The following ZFHX3 variants were observed in gnomAD, a reference collection of about 807,000 sequenced individuals.
The protein encoded by ZFHX3 is zinc finger homeobox protein 3.
ZFHX3 carries 42 observed loss-of-function variants against 279.1 expected under a neutral mutation model. That is an observed-to-expected ratio of 0.15 (90% CI 0.12 to 0.19). ZFHX3 has a LOEUF of 0.19. ZFHX3 is among the 10% of genes least tolerant of loss of function. The pLI, the probability that ZFHX3 is intolerant of heterozygous loss-of-function variation, is 1.00. For synonymous variants in ZFHX3, 2,293 were observed against 1,957.8 expected, an observed-to-expected ratio of 1.17 and a Z score of -4.52; for missense variants, 4,981 against 4,754.0, an observed-to-expected ratio of 1.05 and a Z score of -1.40.
At chr16:73,379,569 G>A (rs898876128) in intron 3 of ZFHX3, among the ~76,000 whole-genome samples, 7 of 152,178 alleles carry the variant, frequency 4.6e-5, no homozygotes, top group Non-Finnish European at 8.8e-5. Context: ...AAGACAATGT[G>A]TATAGAGTAT....
chr16:73,294,342 A>G (rs2014850472), intron 4 of ZFHX3: 1 of 152,254 alleles, frequency 6.6e-6, no homozygotes, highest in South Asian at 2.1e-4. Flanking sequence ...CTAAGCCTCA[A>G]AGCCTCTCCC....
At position 73,309,551 on chromosome 16, in the gene ZFHX3, A is replaced by G. The variant is rs115071080; in HGVS notation, c.-1194+8689T>C. The stretch of plus-strand genomic sequence containing the variant: ...AGGGGGTTGTGGGAAATGAAATTTG[A>G]TGATGTGGGAAGCGACAGATGAGAG... On this transcript the variant is annotated intron_variant, in intron 4 of 17. Transcript: ENST00000641206. Among the ~76,000 whole-genome samples the G allele has an allele frequency of 4.8e-3, 726 of 152,300 alleles. 4 individuals are homozygous for G. The highest frequency in any genetic ancestry group is 0.016 in the African/African-American group (671 of 41,566).
intron 4 of ZFHX3, among the ~76,000 whole-genome samples, chr16:73,294,823 A>C (rs972637886): frequency 6.6e-6 from 1 of 151,406 alleles, no homozygotes; most frequent in Non-Finnish European, 1.5e-5. Flanking sequence ...AAAAAAAAAA[A>C]ACCAAAAAAC....
intron 3 of ZFHX3, among the ~76,000 whole-genome samples, chr16:73,436,574 G>C (rs2018002365): frequency 6.6e-6 from 1 of 152,250 alleles, no homozygotes; most frequent in Admixed American, 6.5e-5. Context: ...TGGGAATTAT[G>C]GGAGCACAAT....
chr16:72,952,663 C>T (rs1273777267), intron 2 of ZFHX3, among the ~76,000 whole-genome samples: 1 of 152,210 alleles, frequency 6.6e-6, no homozygotes, highest in Non-Finnish European at 1.5e-5. Flanking sequence ...CACGTCTCCA[C>T]GAAAGGGCCG....
chr16:73,618,329 C>T (rs903585127), intron 2 of ZFHX3, among the ~76,000 whole-genome samples: 1 of 152,184 alleles, frequency 6.6e-6, no homozygotes, highest in Admixed American at 6.5e-5. Flanking sequence ...TATCTCACCA[C>T]AAATGCAAAG....
chr16:73,084,605 C>T (rs1236078905), intron 8 of ZFHX3, among the ~76,000 whole-genome samples: 1 of 150,114 alleles, frequency 6.7e-6, no homozygotes, highest in Non-Finnish European at 1.5e-5. Context: ...ACTGCAAGCT[C>T]CACTTCCCGG....
intron 1 of ZFHX3, among the ~76,000 whole-genome samples, chr16:73,737,042 C>CT (rs911698219): frequency 1.1e-4 from 16 of 151,196 alleles, no homozygotes; most frequent in African/African-American, 2.7e-4. Context: ...CTTTTTCTTT[C>CT]TTTTTTTTTA....
chr16:73,779,491 C>T (rs1388178769), intron 1 of ZFHX3, among the ~76,000 whole-genome samples: 1 of 152,056 alleles, frequency 6.6e-6, no homozygotes, highest in East Asian at 1.9e-4. Flanking sequence ...CCTAAAATCC[C>T]ACACATTGCT....
chr16:73,361,723 T>G (rs373635561), intron 3 of ZFHX3, among the ~76,000 whole-genome samples: 3 of 152,180 alleles, frequency 2.0e-5, no homozygotes, highest in East Asian at 3.8e-4. Flanking sequence ...TTAAAGAAAC[T>G]TTCACATACA....
chr16:73,584,259 C>CAAGT (rs1299016924), intron 2 of ZFHX3, among the ~76,000 whole-genome samples: 2 of 152,070 alleles, frequency 1.3e-5, no homozygotes, highest in African/African-American at 4.8e-5. Context: ...AAATAATAGA[C>CAAGT]AAGTAATGGA....
intron 5 of ZFHX3, among the ~76,000 whole-genome samples, chr16:73,193,435 G>A (rs917425718): frequency 1.1e-4 from 16 of 152,194 alleles, no homozygotes; most frequent in South Asian, 8.3e-4. Context: ...CCTGAAGGTC[G>A]ATGCTCAACC....
At chr16:73,560,925 A>G (rs1363001887) in intron 2 of ZFHX3, among the ~76,000 whole-genome samples, 1 of 152,232 alleles carries the variant, frequency 6.6e-6, no homozygotes, top group Non-Finnish European at 1.5e-5. Context: ...TTAGCCAAAT[A>G]GGCAAAAAAG....
At chr16:72,818,099 G>A (rs926624600) in intron 5 of ZFHX3, among the ~76,000 whole-genome samples, 2 of 152,080 alleles carry the variant, frequency 1.3e-5, no homozygotes, top group Non-Finnish European at 2.9e-5. Flanking sequence ...AATTCACATA[G>A]CTCCATACTT....
intron 3 of ZFHX3, among the ~76,000 whole-genome samples, chr16:73,414,909 C>G (rs1462476792): frequency 6.6e-6 from 1 of 152,206 alleles, no homozygotes; most frequent in South Asian, 2.1e-4. Flanking sequence ...GAGGTGAGAA[C>G]AGACTAGCTA....
chr16:73,309,264 G>T (rs764587400), intron 4 of ZFHX3, among the ~76,000 whole-genome samples: 1 of 151,878 alleles, frequency 6.6e-6, no homozygotes, highest in East Asian at 1.9e-4. Context: ...AGTGTCTCTC[G>T]TTCCCCTCCT....
chr16:73,260,074 T>C (rs965050412), intron 4 of ZFHX3, among the ~76,000 whole-genome samples: 3 of 152,328 alleles, frequency 2.0e-5, no homozygotes, highest in Admixed American at 2.0e-4. Context: ...ATGGAATAAT[T>C]CTTTAGTCCT....
intron 3 of ZFHX3, among the ~76,000 whole-genome samples, chr16:73,448,685 C>CAT (rs1555517513): frequency 4.9e-5 from 7 of 142,090 alleles, no homozygotes; most frequent in Admixed American, 3.5e-4. Context: ...TATTTATATA[C>CAT]GTGTGTGTGT....
At chr16:73,136,999 T>A (rs1183509965) in intron 6 of ZFHX3, among the ~76,000 whole-genome samples, 1 of 151,746 alleles carries the variant, frequency 6.6e-6, no homozygotes, top group African/African-American at 2.4e-5. Context: ...CAGTAAATGA[T>A]TGGAAAATGA....
Sources: gnomAD v4.1 joint callset for allele counts (sites outside exome capture counted in the v4.1 genomes callset) on GRCh38, gnomAD v4.1.1 for gene constraint, MANE v1.5 for transcripts, NCBI Gene and HGNC (gene_info 2026-07-23, HGNC 2026-07-21) for gene names.